The following RHBDD1 variants were observed in gnomAD, a reference collection of about 807,000 sequenced individuals.
The protein encoded by RHBDD1 is rhomboid-related protein 4.
RHBDD1 carries 38 observed loss-of-function variants against 36.3 expected under a neutral mutation model. That is an observed-to-expected ratio of 1.05 (90% confidence interval 0.81 to 1.37). The LOEUF is 1.37. Ranked by LOEUF, RHBDD1 falls within the 40% of genes most tolerant of loss-of-function variation. RHBDD1 has a pLI of 0.00. For synonymous variants in RHBDD1, 151 were observed against 136.5 expected (o/e 1.11, Z -0.74); for missense variants, 393 against 377.6 (o/e 1.04, Z -0.34).
the RHBDD1 span, among the ~76,000 whole-genome samples, chr2:226,809,021 T>C: frequency 6.6e-6 from 1 of 152,226 alleles, no homozygotes; most frequent in Admixed American, 6.5e-5. Flanking sequence ...AGATATCAAG[T>C]AGGCATTTGT....
the RHBDD1 span, among the ~76,000 whole-genome samples, chr2:226,822,399 C>T: frequency 6.6e-6 from 1 of 152,078 alleles, no homozygotes; most frequent in Non-Finnish European, 1.5e-5. Flanking sequence ...CTTTGGGAGG[C>T]CAGAGCGGGT....
chr2:226,881,469 G>C (rs1281286083), intron 5 of RHBDD1, among the ~76,000 whole-genome samples: 2 of 152,086 alleles, frequency 1.3e-5, no homozygotes, highest in Non-Finnish European at 2.9e-5. Context: ...TAGTTCCTTA[G>C]CTTATTTGCT....
At chr2:226,905,307 A>G (rs1947959354) in intron 5 of RHBDD1, among the ~76,000 whole-genome samples, 1 of 152,120 alleles carries the variant, frequency 6.6e-6, no homozygotes, top group East Asian at 1.9e-4. Flanking sequence ...TTCGTGCCAG[A>G]ATAAGGTAGG....
At chr2:226,824,100 CTA>C in the RHBDD1 span, among the ~76,000 whole-genome samples, 1 of 151,800 alleles carries the variant, frequency 6.6e-6, no homozygotes, top group Admixed American at 6.6e-5. Context: ...TTTTCTCTCT[CTA>C]TATATATATC....
At chr2:226,801,754 G>A in the RHBDD1 span, among the ~76,000 whole-genome samples, 2 of 152,170 alleles carry the variant, frequency 1.3e-5, no homozygotes, top group East Asian at 1.9e-4. Context: ...AGGGGGTAGG[G>A]CAGGGAGGTG....
At chr2:226,994,850 C>T (rs574889705) in intron 8 of RHBDD1, among the ~76,000 whole-genome samples, 3 of 152,308 alleles carry the variant, frequency 2.0e-5, no homozygotes, top group African/African-American at 4.8e-5. Context: ...TTTCCACAGT[C>T]CTTCATATGA....
At chr2:226,866,873 T>A (rs1158046377) in intron 4 of RHBDD1, among the ~76,000 whole-genome samples, 1 of 152,206 alleles carries the variant, frequency 6.6e-6, no homozygotes, top group Non-Finnish European at 1.5e-5. Flanking sequence ...TTATATAGCA[T>A]AACTATTTTG....
chr2:226,881,381 T>C (rs921860238), intron 5 of RHBDD1, among the ~76,000 whole-genome samples: 1 of 152,226 alleles, frequency 6.6e-6, no homozygotes. Context: ...CAACTGTATT[T>C]TCAATTTTTT....
At chr2:226,849,485 C>T (rs1942572845) in intron 3 of RHBDD1, among the ~76,000 whole-genome samples, 1 of 152,154 alleles carries the variant, frequency 6.6e-6, no homozygotes, top group East Asian at 1.9e-4. Context: ...AGGTGTGTGT[C>T]TCAGGCTAAG....
At chr2:226,915,303 T>A (rs899008782) in intron 8 of RHBDD1, among the ~76,000 whole-genome samples, 11 of 152,206 alleles carry the variant, frequency 7.2e-5, no homozygotes, top group African/African-American at 2.4e-4. Context: ...TCTGCAGAAG[T>A]CTGAATATCA....
chr2:226,857,415 G>A (rs1574828491), intron 3 of RHBDD1, among the ~76,000 whole-genome samples: 2 of 152,164 alleles, frequency 1.3e-5, no homozygotes, highest in Admixed American at 6.5e-5. Flanking sequence ...AACCATATGA[G>A]CCAGCAATTT....
intron 4 of RHBDD1, among the ~76,000 whole-genome samples, chr2:226,866,047 G>A (rs1944298936): frequency 6.6e-6 from 1 of 152,126 alleles, no homozygotes; most frequent in African/African-American, 2.4e-5. Flanking sequence ...ACATGGAGAT[G>A]GGATTATCTT....
chr2:226,923,179 T>G (rs1949444074), intron 8 of RHBDD1, among the ~76,000 whole-genome samples: 1 of 152,220 alleles, frequency 6.6e-6, no homozygotes, highest in Non-Finnish European at 1.5e-5. Flanking sequence ...ATTGAAGAAC[T>G]CCCTTTAGCA....
chr2:226,820,644 CAAAAAAAAAA>C, the RHBDD1 span, among the ~76,000 whole-genome samples: 4 of 63,516 alleles, frequency 6.3e-5, no homozygotes, highest in Admixed American at 2.0e-4. Flanking sequence ...TCCATCTCCA[CAAAAAAAAAA>C]AAAAAAAAAA....
intron 8 of RHBDD1, among the ~76,000 whole-genome samples, chr2:226,919,224 C>T (rs1330166283): frequency 6.6e-6 from 1 of 151,984 alleles, no homozygotes; most frequent in East Asian, 1.9e-4. Flanking sequence ...TTGTTATTAG[C>T]CTCTTGTCAG....
intron 5 of RHBDD1, among the ~76,000 whole-genome samples, chr2:226,892,740 C>T (rs1333857544): frequency 3.3e-5 from 5 of 152,118 alleles, no homozygotes; most frequent in African/African-American, 1.2e-4. Context: ...ACTGAAATCT[C>T]ACCATTAGAA....
chr2:226,860,982 C>T (rs1373022056), intron 3 of RHBDD1, among the ~76,000 whole-genome samples: 2 of 152,044 alleles, frequency 1.3e-5, no homozygotes, highest in East Asian at 3.9e-4. Flanking sequence ...CCTCCAGTGC[C>T]TGGCACAGGG....
chr2:226,907,274 G>T (rs1319284646), intron 6 of RHBDD1, among the ~76,000 whole-genome samples: 1 of 152,196 alleles, frequency 6.6e-6, no homozygotes, highest in Non-Finnish European at 1.5e-5. Flanking sequence ...ACAAAGCCTG[G>T]ACTGAAGTGC....
chr2:226,807,605 A>C, the RHBDD1 span: 1 of 152,326 alleles, frequency 6.6e-6, no homozygotes, highest in Non-Finnish European at 1.5e-5. Flanking sequence ...GGCATTTGGC[A>C]CATTCTAGGA....
Sources: allele counts gnomAD v4.1 joint callset (sites outside exome capture counted in the v4.1 genomes callset), GRCh38; gene constraint gnomAD v4.1.1; transcripts MANE v1.5; gene names NCBI Gene and HGNC (gene_info 2026-07-23, HGNC 2026-07-21).